The following ZC3H12B variants were observed in gnomAD, a reference collection of about 807,000 sequenced individuals.
ZC3H12B encodes the protein probable ribonuclease ZC3H12B.
In ZC3H12B, 7 loss-of-function variants were observed where a neutral mutation model predicts 43.9. The observed-to-expected ratio is 0.16, with a 90% CI of 0.09 to 0.30. The LOEUF (loss-of-function observed/expected upper bound fraction) is 0.30, where lower values mean the gene tolerates loss of function less well. Among genes scored for constraint, ZC3H12B ranks in the 10% least tolerant of loss-of-function variants. ZC3H12B has a pLI of 1.00. For missense variants in ZC3H12B, 475 were observed against 670.2 expected (o/e 0.71, Z 3.22); for synonymous variants, 222 against 241.7 (o/e 0.92, Z 0.76).
the ZC3H12B span, among the ~76,000 whole-genome samples, chrX:65,318,174 C>T: frequency 3.1e-5 from 3 of 96,996 alleles, no homozygotes; most frequent in Non-Finnish European, 5.8e-5. Context: ...TGTATCCATG[C>T]CAACATGTAT....
the ZC3H12B span, among the ~76,000 whole-genome samples, chrX:65,236,902 C>G: frequency 8.9e-6 from 1 of 111,766 alleles, no homozygotes; most frequent in East Asian, 2.8e-4. Flanking sequence ...TTCCATTAGT[C>G]TATGTGTCTG....
exon 5 of ZC3H12B, chrX:65,504,650 C>G (rs2148248446): frequency 8.9e-6 from 1 of 112,602 alleles, no homozygotes; most frequent in African/African-American, 3.2e-5. Context: ...ACCCATGTGG[C>G]ATTAAATGGT....
chrX:65,407,946 C>A, intron 3 of ZC3H12B: 1 of 752,720 alleles, frequency 1.3e-6, no homozygotes, highest in Non-Finnish European at 1.9e-6. Flanking sequence ...CCCGGCCTAG[C>A]GCGCCTGCGT....
At chrX:65,249,468 G>C in the ZC3H12B span, among the ~76,000 whole-genome samples, 1 of 112,094 alleles carries the variant, frequency 8.9e-6, no homozygotes, top group East Asian at 2.8e-4. Context: ...TGGCCTTATA[G>C]TATACTTTGA....
chrX:65,262,762 TCAAA>T, the ZC3H12B span, among the ~76,000 whole-genome samples: 17 of 111,034 alleles, frequency 1.5e-4, no homozygotes, highest in East Asian at 8.5e-4. Flanking sequence ...TTCTCCCTCA[TCAAA>T]CAGTCTATTG....
chrX:65,063,522 G>A, the ZC3H12B span, among the ~76,000 whole-genome samples: 14 of 112,280 alleles, frequency 1.2e-4, no homozygotes, highest in Non-Finnish European at 1.3e-4. Flanking sequence ...ACTTGATCGT[G>A]GTGGATAAGC....
intron 2 of ZC3H12B, among the ~76,000 whole-genome samples, chrX:65,396,244 T>C (rs1318274722): frequency 8.9e-6 from 1 of 111,967 alleles, no homozygotes; most frequent in Non-Finnish European, 1.9e-5. Context: ...TGTTTGCTCT[T>C]GCTTCTCTAG....
chrX:65,182,730 AAAC>A, the ZC3H12B span, among the ~76,000 whole-genome samples: 1 of 111,194 alleles, frequency 9.0e-6, no homozygotes, highest in South Asian at 3.7e-4. Context: ...ACAAAAAAAA[AAAC>A]AAAAAACCCT....
chrX:65,075,883 A>G, the ZC3H12B span, among the ~76,000 whole-genome samples: 64 of 111,827 alleles, frequency 5.7e-4, no homozygotes, highest in Middle Eastern at 9.2e-3. Flanking sequence ...TGATGATGCT[A>G]TGCTAAGCTG....
At chrX:65,097,183 A>G in the ZC3H12B span, among the ~76,000 whole-genome samples, 1 of 112,175 alleles carries the variant, frequency 8.9e-6, no homozygotes, top group Non-Finnish European at 1.9e-5. Context: ...CTAATTACAA[A>G]TTCATCTAAC....
the ZC3H12B span, among the ~76,000 whole-genome samples, chrX:65,117,933 G>A: frequency 1.3e-4 from 14 of 110,587 alleles, no homozygotes; most frequent in Admixed American, 5.8e-4. Context: ...CTTTGTTTTT[G>A]TACCAGTACC....
At chrX:65,229,369 A>G in the ZC3H12B span, among the ~76,000 whole-genome samples, 1 of 110,169 alleles carries the variant, frequency 9.1e-6, no homozygotes, top group Admixed American at 9.7e-5. Flanking sequence ...CTTACACCTT[A>G]TACAAAAATC....
rs781594115 is a variant in ZC3H12B at position 65,457,019 on chromosome X, T to G, written n.408-31627T>G. 4.2e-4 allele frequency among the ~76,000 whole-genome samples: 35 copies of G among 83,471 alleles called. No individual in the cohort carries two copies. In the East Asian group the frequency reaches 0.012, roughly 29 times the overall value. The allele number at this position is 83,471 out of a possible 115,157, so 72.5% of individuals were successfully genotyped here. On this transcript the variant is annotated intron_variant and non_coding_transcript_variant, in intron 3 of 5. Transcript: ENST00000617377. ...GAGGAGCGCCTCTTCCCCGCTGCCATCCCATCTAGGAAGTGAGGAGCGTCT... is the reference window on the plus strand; with the variant it reads ...GAGGAGCGCCTCTTCCCCGCTGCCAGCCCATCTAGGAAGTGAGGAGCGTCT...
intron 2 of ZC3H12B, among the ~76,000 whole-genome samples, chrX:65,395,279 T>G (rs909411865): frequency 6.2e-5 from 7 of 112,164 alleles, no homozygotes; most frequent in Non-Finnish European, 1.1e-4. Flanking sequence ...CATCCTTGTT[T>G]GTGCCAGTTT....
the ZC3H12B span, among the ~76,000 whole-genome samples, chrX:65,196,163 T>G: frequency 1.1e-5 from 1 of 89,818 alleles, no homozygotes; most frequent in East Asian, 3.9e-4. Context: ...AAAGGTGCGC[T>G]GCCTCAGCTG....
At chrX:65,068,909 GT>G in the ZC3H12B span, among the ~76,000 whole-genome samples, 57 of 102,533 alleles carry the variant, frequency 5.6e-4, 1 homozygote, top group East Asian at 3.6e-3. Context: ...TAGGTTAAAA[GT>G]TTTTTTTTTT....
At chrX:65,340,811 C>T in the ZC3H12B span, among the ~76,000 whole-genome samples, 2 of 112,338 alleles carry the variant, frequency 1.8e-5, no homozygotes, top group African/African-American at 6.5e-5. Context: ...CTTCTTTCCT[C>T]AAATGACCAA....
the ZC3H12B span, chrX:65,185,651 G>T: frequency 8.9e-6 from 1 of 111,785 alleles, no homozygotes; most frequent in Admixed American, 9.6e-5. Context: ...AGATCAATAT[G>T]ATGCAGAAGA....
At chrX:65,430,468 T>C (rs2067143764) in intron 3 of ZC3H12B, among the ~76,000 whole-genome samples, 1 of 104,451 alleles carries the variant, frequency 9.6e-6, no homozygotes, top group South Asian at 4.9e-4. Flanking sequence ...ACATTAGTTA[T>C]ATCTCCTAAT....
Sources: allele counts gnomAD v4.1 joint callset (sites outside exome capture counted in the v4.1 genomes callset), GRCh38; gene constraint gnomAD v4.1.1; transcripts MANE v1.5; gene names NCBI Gene and HGNC (gene_info 2026-07-23, HGNC 2026-07-21).